The following LMF1 variants were observed in gnomAD, a reference collection of about 807,000 sequenced individuals.
LMF1 encodes the protein lipase maturation factor 1.
In LMF1, 68 loss-of-function variants were observed where a neutral mutation model predicts 60.6. The observed-to-expected ratio is 1.12, with a 90% CI of 0.92 to 1.37. The LOEUF is 1.37. LMF1 is among the 40% of genes most tolerant of loss of function. The pLI is 0.00. For synonymous variants in LMF1, 418 were observed against 324.7 expected, an observed-to-expected ratio of 1.29 and a Z score of -3.09; for missense variants, 948 against 767.2, an observed-to-expected ratio of 1.24 and a Z score of -2.78.
intron 5 of LMF1, among the ~76,000 whole-genome samples, chr16:888,627 G>A (rs1035337799): frequency 3.0e-4 from 46 of 152,220 alleles, no homozygotes; most frequent in African/African-American, 9.9e-4. Context: ...CAACCGCTCC[G>A]ATGTGGGGAC....
At chr16:954,702 G>C (rs760200603) in intron 1 of LMF1, 36 bp from the exon 2 acceptor site, 13 of 1,545,676 alleles carry the variant, frequency 8.4e-6, no homozygotes, top group East Asian at 2.3e-5. Flanking sequence ...GCATGACTAG[G>C]AACAAACCAC....
chr16:911,164 A>G, intron 3 of LMF1, 85 bp from the exon 4 acceptor site: 2 of 1,471,574 alleles, frequency 1.4e-6, no homozygotes, highest in Non-Finnish European at 1.9e-6. Flanking sequence ...AGTTTAATGG[A>G]AACGGTCCTT....
intron 2 of LMF1, among the ~76,000 whole-genome samples, chr16:939,429 G>T (rs2072035177): frequency 6.6e-6 from 1 of 152,184 alleles, no homozygotes; most frequent in Non-Finnish European, 1.5e-5. Flanking sequence ...TAAAAACCAG[G>T]AACAACCAAC....
At position 854,888 on chromosome 16, in the gene LMF1, C is replaced by G. The variant is rs1394222747; in HGVS notation, c.1530-182G>C. On this transcript the variant is annotated intron_variant, in intron 10 of 10. Coordinates refer to ENST00000262301, the MANE Select transcript of LMF1 (RefSeq NM_022773.4). ...CAGACCCCGGGCAGGGCAACTGTTC[C>G]AGTCGGCACCCTCAGCAGTGAACAG... 8 of 648,554 alleles carry G rather than the reference C, an allele frequency of 1.2e-5. No individual in the cohort carries two copies. In the East Asian group the frequency reaches 1.9e-4, roughly 15 times the overall value. The allele number at this position is 648,554 out of a possible 1,614,324, so 40.2% of individuals were successfully genotyped here.
At chr16:923,046 G>C (rs111875324) in intron 3 of LMF1, among the ~76,000 whole-genome samples, 1,379 of 113,378 alleles carry the variant, frequency 0.012, no homozygotes, top group Non-Finnish European at 0.017. Flanking sequence ...AAGGTCGCCT[G>C]GGTTTTCGGG....
At chr16:861,651 C>T (rs760126125) in intron 10 of LMF1, among the ~76,000 whole-genome samples, 23 of 152,132 alleles carry the variant, frequency 1.5e-4, no homozygotes, top group Admixed American at 1.2e-3. Context: ...CCGCTGCGCC[C>T]GGCCTCGCTT....
rs1213998100 is a variant in LMF1 at position 879,689 on chromosome 16, AG to A, written c.777del (p.Trp260GlyfsTer52). The A allele has an allele frequency of 1.8e-5, 29 of 1,606,030 alleles. No individual in the cohort carries two copies. Among genetic ancestry groups the A allele is most frequent in the Non-Finnish European group, 2.4e-5 (28 of 1,176,676 alleles). ...NPVAYYLHHS[P>X]WWFHRFETLS... ...AGCGTCTCGAAGCGATGGAACCACC[AG>A]GGTGAGTGGTGCAGGTAGTACGCCA... On this transcript the variant is annotated frameshift_variant, in exon 6 of 11. Transcript: ENST00000262301. LOFTEE classifies it high-confidence loss of function.
chr16:893,993 C>CCGT (rs1567196841), intron 4 of LMF1, among the ~76,000 whole-genome samples: 2 of 151,294 alleles, frequency 1.3e-5, no homozygotes, highest in African/African-American at 4.9e-5. Context: ...ACCTGTCCAC[C>CCGT]CCACTGTCCA....
chr16:924,225 G>A (rs1055656170), intron 3 of LMF1, among the ~76,000 whole-genome samples: 4 of 152,156 alleles, frequency 2.6e-5, no homozygotes, highest in Non-Finnish European at 5.9e-5. Flanking sequence ...GTGTCTAACC[G>A]TGGTATGCGA....
intron 2 of LMF1, among the ~76,000 whole-genome samples, chr16:953,086 C>T (rs1349827267): frequency 1.7e-3 from 154 of 92,714 alleles, no homozygotes; most frequent in African/African-American, 5.1e-3. Flanking sequence ...CCAAACCAGC[C>T]TCCTACACGT....
chr16:927,441 A>AAT (rs1331753751), intron 3 of LMF1, among the ~76,000 whole-genome samples: 1 of 152,226 alleles, frequency 6.6e-6, no homozygotes, highest in Non-Finnish European at 1.5e-5. Context: ...TCAACACAGG[A>AAT]ATGCAAGAGA....
chr16:893,007 C>T lies in LMF1; in HGVS notation c.729G>A (p.Glu243=). 3 of 1,549,680 alleles carry T rather than the reference C, an allele frequency of 1.9e-6. No homozygotes were observed. The highest frequency in any genetic ancestry group is 2.6e-6 in the Non-Finnish European group (3 of 1,146,280). ...RDLTCMDFHY[E]TQPMPNPVAY... ...CCCTCACGCTGCACGGCACGCTCAC[C>T]TCATAGTGGAAGTCCATGCAGGTGA... Residue 243 remains glutamate (E), a splice_region_variant and synonymous_variant, in exon 5 of 11, where the codon GAG becomes GAA. Transcript: ENST00000262301.
intron 3 of LMF1, among the ~76,000 whole-genome samples, chr16:918,408 A>G (rs1283481007): frequency 5.9e-5 from 9 of 152,226 alleles, no homozygotes; most frequent in Non-Finnish European, 1.2e-4. Context: ...TTGGTTTTGG[A>G]TAAATACGAA....
chr16:965,768 C>T (rs571830564), intron 1 of LMF1, among the ~76,000 whole-genome samples: 52 of 152,270 alleles, frequency 3.4e-4, no homozygotes, highest in Non-Finnish European at 6.8e-4. Context: ...TGGGCCGCAC[C>T]TCGGGGCTGG....
In LMF1 at chr16:878,902, CCCA is replaced by C. The variant is rs1219196905; in HGVS notation, c.897+665_897+667del. On this transcript the variant is annotated intron_variant, in intron 6 of 10. Transcript: ENST00000262301. The surrounding 1 kb of genome is among the most constrained non-coding windows in gnomAD (Gnocchi z 5.2). ...GAGAGAGAGAACCACCTTTAAAATC[CCCA>C]CCACATTTTCCTTGGGAATTGACAG... Among the ~76,000 whole-genome samples the C allele has an allele frequency of 4.6e-5, 7 of 152,314 alleles. No individual in the cohort carries two copies. The highest frequency in any genetic ancestry group is 1.0e-4 in the Non-Finnish European group (7 of 68,024).
Position 954,551 on chromosome 16 carries a change from G to T in LMF1, c.309C>A (p.Ser103Arg). ...NFQQYFQDRT[S>R]WEVFSYMPTI... ...TGGGCATGTAGCTGAAGACTTCCCA[G>T]CTCGTCCTGTCCTGGAAGTACTGCT... is the stretch of plus-strand genomic sequence containing the variant. Residue 103 changes from serine (S) to arginine (R), a missense_variant, in exon 2 of 11, where the codon AGC (serine) becomes AGA (arginine). By Grantham distance (110) the Ser-to-Arg change is moderately radical (BLOSUM62 -1). Coordinates refer to ENST00000262301, the MANE Select transcript of LMF1 (RefSeq NM_022773.4). The T allele has an allele frequency of 1.9e-6, 3 of 1,613,266 alleles. No homozygotes were observed. Among genetic ancestry groups the T allele is most frequent in the Non-Finnish European group, 2.5e-6 (3 of 1,179,826 alleles).
chr16:960,237 G>A (rs2072794849), intron 1 of LMF1, among the ~76,000 whole-genome samples: 1 of 152,226 alleles, frequency 6.6e-6, no homozygotes, highest in Non-Finnish European at 1.5e-5. Context: ...GGTCAAAGCT[G>A]GAGGAGCTGA....
intron 10 of LMF1, among the ~76,000 whole-genome samples, chr16:859,327 A>T (rs74211622): frequency 3.9e-3 from 5 of 1,290 alleles, no homozygotes; most frequent in Non-Finnish European, 6.2e-3. Context: ...CAGTGTTGTC[A>T]CGGGACGGGT....
chr16:876,642 G>GAAAC (rs1177658905), intron 6 of LMF1, among the ~76,000 whole-genome samples: 1 of 152,052 alleles, frequency 6.6e-6, no homozygotes, highest in Non-Finnish European at 1.5e-5. Context: ...AAACAGAGCT[G>GAAAC]AAACACTGGA....
Sources: allele counts gnomAD v4.1 joint callset (sites outside exome capture counted in the v4.1 genomes callset), GRCh38; gene constraint gnomAD v4.1.1; non-coding constraint Gnocchi (gnomAD v3.1); transcripts MANE v1.5; gene names NCBI Gene and HGNC (gene_info 2026-07-23, HGNC 2026-07-21).